PRKG1: variants seen among roughly 807,000 people sequenced by gnomAD.
PRKG1 encodes the protein protein kinase cGMP-dependent 1, also known as cGMP-dependent protein kinase 1.
Under a neutral mutation model 88.1 loss-of-function variants are expected in PRKG1, and 35 were observed. The observed-to-expected ratio is 0.40, with a 90% confidence interval of 0.30 to 0.53. The LOEUF is 0.53. Ranked by LOEUF, PRKG1 falls within the 20% of genes least tolerant of loss-of-function variation. The pLI, the probability that PRKG1 is intolerant of heterozygous loss-of-function variation, is 0.59. For missense variants in PRKG1, 540 were observed against 839.8 expected, an observed-to-expected ratio of 0.64 and a Z score of 4.41; for synonymous variants, 303 against 292.5, an observed-to-expected ratio of 1.04 and a Z score of -0.37.
chr10:51,354,808 G>A (rs187029984), intron 2 of PRKG1, among the ~76,000 whole-genome samples: 7 of 152,190 alleles, frequency 4.6e-5, no homozygotes, highest in African/African-American at 1.7e-4. Flanking sequence ...AAGGCTTGGG[G>A]TGGGGGAGAT....
chr10:51,006,673 A>G (rs1411500774), intron 1 of PRKG1, among the ~76,000 whole-genome samples: 1 of 151,968 alleles, frequency 6.6e-6, no homozygotes, highest in Admixed American at 6.6e-5. Flanking sequence ...TTTTCCATCC[A>G]TGGTGTTGTC....
chr10:51,215,083 C>G (rs888405221), intron 2 of PRKG1, among the ~76,000 whole-genome samples: 2 of 152,004 alleles, frequency 1.3e-5, no homozygotes, highest in African/African-American at 4.8e-5. Flanking sequence ...ATCATGTTTC[C>G]AAAAAGAGAA....
rs557099811 is a variant in PRKG1 at position 52,297,840 on chromosome 10, C to T, written c.*3940C>T. On this transcript the variant is annotated 3_prime_UTR_variant, in exon 18 of 18. Transcript: ENST00000373980. ...ATGATGAAAAAGTCACTTGGTGCACCTCTCAACAAAACAGGATGCTTTTTC... is the reference window on the plus strand; with the variant it reads ...ATGATGAAAAAGTCACTTGGTGCACTTCTCAACAAAACAGGATGCTTTTTC... 7.9e-5 allele frequency: 12 copies of T among 152,228 alleles called. No homozygotes were observed. The South Asian group carries it at 2.5e-3, about 32-fold the overall frequency. 9.4% of individuals were successfully genotyped at this position (152,228 alleles called of 1,614,324 possible).
At chr10:51,420,275 C>A (rs1194485758) in intron 2 of PRKG1, among the ~76,000 whole-genome samples, 1 of 152,100 alleles carries the variant, frequency 6.6e-6, no homozygotes, top group Non-Finnish European at 1.5e-5. Context: ...TCTGAATAGA[C>A]CTCCTTCTCT....
At chr10:51,962,106 G>A (rs1384380626) in intron 5 of PRKG1, among the ~76,000 whole-genome samples, 2 of 152,162 alleles carry the variant, frequency 1.3e-5, no homozygotes, top group Non-Finnish European at 2.9e-5. Context: ...AAAGCAAAGA[G>A]TACACCACAG....
At chr10:51,654,760 T>G (rs181068403) in intron 3 of PRKG1, among the ~76,000 whole-genome samples, 35 of 152,292 alleles carry the variant, frequency 2.3e-4, no homozygotes, top group African/African-American at 8.2e-4. Context: ...TTACTCAGAT[T>G]TGGATAATTC....
chr10:51,927,286 TC>T (rs1842599071), intron 5 of PRKG1, among the ~76,000 whole-genome samples: 2 of 152,144 alleles, frequency 1.3e-5, no homozygotes, highest in Admixed American at 1.3e-4. Context: ...ATAAGGGGTT[TC>T]CCATTTTGCT....
intron 17 of PRKG1, 102 bp downstream of exon 17, chr10:52,290,392 T>A: frequency 1.0e-6 from 1 of 969,992 alleles, no homozygotes; most frequent in Non-Finnish European, 1.5e-6. Flanking sequence ...ATGATTAAGT[T>A]AAACAAACTC....
chr10:51,078,222 TTTG>T (rs201936935), intron 1 of PRKG1, among the ~76,000 whole-genome samples: 3 of 151,702 alleles, frequency 2.0e-5, no homozygotes, highest in African/African-American at 7.3e-5. Context: ...TTCTTTTTCC[TTTG>T]TTGTTGTTGT....
chr10:51,160,832 G>A (rs1846339416), intron 2 of PRKG1, among the ~76,000 whole-genome samples: 1 of 151,310 alleles, frequency 6.6e-6, no homozygotes, highest in African/African-American at 2.4e-5. Flanking sequence ...TGTGCTTTTT[G>A]TATGTTTTTA....
intron 2 of PRKG1, among the ~76,000 whole-genome samples, chr10:51,283,224 A>C (rs371213892): frequency 1.8e-4 from 28 of 152,128 alleles, no homozygotes; most frequent in African/African-American, 3.9e-4. Context: ...TATAAGGAAA[A>C]AAAAACAAAA....
chr10:51,726,771 A>T (rs1192174195), intron 3 of PRKG1, among the ~76,000 whole-genome samples: 1 of 152,026 alleles, frequency 6.6e-6, no homozygotes, highest in African/African-American at 2.4e-5. Flanking sequence ...GTAGTCTGAC[A>T]TATTTTGTTT....
intron 5 of PRKG1, among the ~76,000 whole-genome samples, chr10:51,972,016 T>A (rs11813874): frequency 0.094 from 14,323 of 152,024 alleles, 1,781 homozygotes; most frequent in African/African-American, 0.28. Flanking sequence ...TACAGATTCT[T>A]TCAAAGCTTT....
intron 1 of PRKG1, among the ~76,000 whole-genome samples, chr10:51,123,014 T>A (rs74131769): frequency 0.029 from 4,486 of 152,286 alleles, 166 homozygotes; most frequent in African/African-American, 0.084. Flanking sequence ...CCTTAGAACC[T>A]TCCTCAAAAT....
Position 52,217,184 on chromosome 10 carries a change from A to C in PRKG1, c.1077-34386A>C, listed in dbSNP as rs74463275. 2.6e-5 allele frequency among the ~76,000 whole-genome samples: 4 copies of C among 152,040 alleles called. No individual in the cohort carries two copies. In the East Asian group the frequency reaches 7.7e-4, roughly 29 times the overall value. Reference sequence around the variant, plus strand: ...CTGACCTTGCCTCCTTCCACCTCTTAGTTGTAAGCCTACTAAGGAGTAAGT... The same window carrying C: ...CTGACCTTGCCTCCTTCCACCTCTTCGTTGTAAGCCTACTAAGGAGTAAGT... On this transcript the variant is annotated intron_variant, in intron 9 of 17. Transcript: ENST00000373980.
chr10:51,782,346 G>C (rs1838614206), intron 3 of PRKG1, among the ~76,000 whole-genome samples: 2 of 152,098 alleles, frequency 1.3e-5, no homozygotes, highest in Non-Finnish European at 2.9e-5. Flanking sequence ...AATTATTATA[G>C]CTTGAATGCA....
intron 3 of PRKG1, among the ~76,000 whole-genome samples, chr10:51,585,539 C>G (rs1838151074): frequency 6.6e-6 from 1 of 151,890 alleles, no homozygotes; most frequent in African/African-American, 2.4e-5. Context: ...AAATACTTGC[C>G]CATTTTCTGC....
chr10:52,188,490 C>A (rs1839278993), intron 9 of PRKG1, among the ~76,000 whole-genome samples: 1 of 151,078 alleles, frequency 6.6e-6, no homozygotes, highest in Non-Finnish European at 1.5e-5. Context: ...GTAGCTGGAA[C>A]CACAGGCATG....
intron 3 of PRKG1, among the ~76,000 whole-genome samples, chr10:51,526,477 C>A (rs1345843582): frequency 6.6e-6 from 1 of 152,096 alleles, no homozygotes; most frequent in Non-Finnish European, 1.5e-5. Flanking sequence ...TGTATTGGGG[C>A]AGAACTGATA....
Sources: gnomAD v4.1 joint callset for allele counts (sites outside exome capture counted in the v4.1 genomes callset) on GRCh38, gnomAD v4.1.1 for gene constraint, MANE v1.5 for transcripts, NCBI Gene and HGNC (gene_info 2026-07-23, HGNC 2026-07-21) for gene names.